The following PDE10A variants were observed in gnomAD, a reference collection of about 807,000 sequenced individuals.
The protein encoded by PDE10A is cAMP and cAMP-inhibited cGMP 3',5'-cyclic phosphodiesterase 10A.
PDE10A carries 39 observed loss-of-function variants against 97.7 expected under a neutral mutation model. That is an observed-to-expected ratio of 0.40 (90% CI 0.31 to 0.52). The LOEUF is 0.52. Among genes scored for constraint, PDE10A ranks in the 20% least tolerant of loss-of-function variants. The pLI is 0.56. For synonymous variants in PDE10A, 371 were observed against 376.8 expected (o/e 0.98, Z 0.18); for missense variants, 731 against 1,047.8 (o/e 0.70, Z 4.17).
chr6:165,568,039 C>T (rs1266484821), intron 1 of PDE10A, among the ~76,000 whole-genome samples: 1 of 135,900 alleles, frequency 7.4e-6, no homozygotes, highest in Non-Finnish European at 1.5e-5. Context: ...CGCTCTGTCG[C>T]CCAGGCTGGA....
chr6:165,823,480 CT>C (rs1279133305), intron 1 of PDE10A, among the ~76,000 whole-genome samples: 1 of 17,196 alleles, frequency 5.8e-5, no homozygotes, highest in Non-Finnish European at 1.5e-4. Context: ...TTATAGTTAA[CT>C]TTATATATAT....
chr6:165,717,267 C>T (rs1792047498), intron 1 of PDE10A, among the ~76,000 whole-genome samples: 2 of 152,176 alleles, frequency 1.3e-5, no homozygotes, highest in African/African-American at 4.8e-5. Flanking sequence ...CTTGCTTCTA[C>T]CTCTGGGCTT....
intron 1 of PDE10A, among the ~76,000 whole-genome samples, chr6:165,943,282 AGAAAGAAAGAAG>A (rs1783629795): frequency 2.3e-5 from 3 of 132,788 alleles, no homozygotes; most frequent in South Asian, 2.6e-4. Context: ...AAGGAAAGAA[AGAAAGAAAGAAG>A]GAAAGAAAGA....
At chr6:165,584,680 G>A (rs1785807532) in intron 1 of PDE10A, among the ~76,000 whole-genome samples, 1 of 152,218 alleles carries the variant, frequency 6.6e-6, no homozygotes, top group African/African-American at 2.4e-5. Context: ...AGAAGGTTAG[G>A]AAGAACATGT....
intron 1 of PDE10A, among the ~76,000 whole-genome samples, chr6:165,598,660 C>A (rs1373043579): frequency 6.6e-6 from 1 of 152,086 alleles, no homozygotes; most frequent in African/African-American, 2.4e-5. Context: ...TCTTAATATG[C>A]CATCTGGAAC....
At chr6:165,753,274 T>C (rs1300189038) in intron 1 of PDE10A, among the ~76,000 whole-genome samples, 1 of 152,222 alleles carries the variant, frequency 6.6e-6, no homozygotes, top group Non-Finnish European at 1.5e-5. Flanking sequence ...TTAAATAATG[T>C]GATCTCAAGA....
intron 1 of PDE10A, among the ~76,000 whole-genome samples, chr6:165,890,522 G>A (rs537580949): frequency 1.3e-5 from 2 of 152,210 alleles, no homozygotes; most frequent in African/African-American, 4.8e-5. Flanking sequence ...TGTCAGCACC[G>A]ACTGACCCTC....
intron 2 of PDE10A, among the ~76,000 whole-genome samples, chr6:165,484,578 G>A (rs1227747747): frequency 6.6e-6 from 1 of 152,206 alleles, no homozygotes; most frequent in African/African-American, 2.4e-5. Context: ...GCGCTGGGGA[G>A]TGGCTGCAAA....
At chr6:165,902,687 A>G (rs1782147278) in intron 1 of PDE10A, among the ~76,000 whole-genome samples, 1 of 152,152 alleles carries the variant, frequency 6.6e-6, no homozygotes, top group South Asian at 2.1e-4. Flanking sequence ...CATCCTTCCC[A>G]TTCCAGGTGT....
At chr6:165,559,425 T>A (rs1438047021) in intron 1 of PDE10A, among the ~76,000 whole-genome samples, 1 of 152,226 alleles carries the variant, frequency 6.6e-6, no homozygotes, top group African/African-American at 2.4e-5. Context: ...TGAATTCTCA[T>A]CTTTGTCCTA....
intron 2 of PDE10A, among the ~76,000 whole-genome samples, chr6:165,541,314 GA>G (rs199857068): frequency 2.6e-4 from 38 of 144,522 alleles, no homozygotes; most frequent in Middle Eastern, 3.6e-3. Context: ...CTCCTTATAA[GA>G]AAAAAAAAAA....
chr6:165,632,543 T>C (rs1436745736), intron 1 of PDE10A, among the ~76,000 whole-genome samples: 6 of 152,228 alleles, frequency 3.9e-5, no homozygotes, highest in Non-Finnish European at 7.3e-5. Flanking sequence ...AGCAGAGCTA[T>C]GCTCTGAATC....
chr6:165,428,178 C>T (rs1789299527), intron 10 of PDE10A, among the ~76,000 whole-genome samples: 2 of 152,064 alleles, frequency 1.3e-5, no homozygotes, highest in South Asian at 4.1e-4. Flanking sequence ...CTAGAAGCCA[C>T]TTCTGAAAGA....
At chr6:165,650,148 G>A (rs1269565313) in intron 1 of PDE10A, among the ~76,000 whole-genome samples, 1 of 152,162 alleles carries the variant, frequency 6.6e-6, no homozygotes, top group Non-Finnish European at 1.5e-5. Context: ...ATGATCCCAG[G>A]AGGAAGACCA....
chr6:165,388,515 C>T lies in PDE10A; in HGVS notation c.2455-62G>A. The stretch of plus-strand genomic sequence containing the variant: ...ACAGAAACACACATGAGCAGACTTA[C>T]CGCTTACATTCATGTCACATTACTT... On this transcript the variant is annotated intron_variant, in intron 16 of 21. Transcript: ENST00000539869. This position sits in a 1 kb window ranked among gnomAD's most constrained non-coding sequence, Gnocchi z 4.0. 6.9e-7 allele frequency: 1 copy of T among 1,445,206 alleles called. No homozygotes were observed. Among genetic ancestry groups the T allele is most frequent in the African/African-American group, 1.4e-5 (1 of 71,846 alleles). The allele number at this position is 1,445,206 out of a possible 1,614,324, so 89.5% of individuals were successfully genotyped here.
chr6:165,341,523 AG>A (rs1350926192), intron 19 of PDE10A, among the ~76,000 whole-genome samples: 1 of 152,234 alleles, frequency 6.6e-6, no homozygotes, highest in African/African-American at 2.4e-5. Flanking sequence ...TTTCACAAAC[AG>A]TGCAAGGTTT....
intron 1 of PDE10A, among the ~76,000 whole-genome samples, chr6:165,682,837 C>CT (rs1791013076): frequency 6.6e-6 from 1 of 152,208 alleles, no homozygotes; most frequent in African/African-American, 2.4e-5. Flanking sequence ...CTAGAATCTG[C>CT]TGGTCATCGG....
intron 1 of PDE10A, among the ~76,000 whole-genome samples, chr6:165,649,267 A>C (rs1483683359): frequency 1.3e-5 from 2 of 152,184 alleles, no homozygotes; most frequent in African/African-American, 4.8e-5. Context: ...GCGGACTAGA[A>C]GGAAATAATA....
intron 13 of PDE10A, 36 bp from the exon 14 acceptor site, chr6:165,396,495 TA>T (rs767839764): frequency 1.3e-6 from 2 of 1,570,700 alleles, no homozygotes; most frequent in Non-Finnish European, 8.6e-7. Flanking sequence ...CCCCCAAAAT[TA>T]AAAGAATATT....
Sources: allele counts gnomAD v4.1 joint callset (sites outside exome capture counted in the v4.1 genomes callset), GRCh38; gene constraint gnomAD v4.1.1; non-coding constraint Gnocchi (gnomAD v3.1); transcripts MANE v1.5; gene names NCBI Gene and HGNC (gene_info 2026-07-23, HGNC 2026-07-21).